The following PLXNA4 variants were observed in gnomAD, a reference collection of about 807,000 sequenced individuals.
PLXNA4 encodes the protein plexin-A4.
Under a neutral mutation model 191.8 loss-of-function variants are expected in PLXNA4, and 44 were observed. The observed-to-expected ratio is 0.23, with a 90% CI of 0.18 to 0.29. PLXNA4 has a LOEUF of 0.29. PLXNA4 is among the 10% of genes least tolerant of loss of function. The pLI, the probability that PLXNA4 is intolerant of heterozygous loss-of-function variation, is 1.00. For missense variants in PLXNA4, 1,800 were observed against 2,488.8 expected (o/e 0.72, Z 5.89); for synonymous variants, 1,082 against 1,009.5 (o/e 1.07, Z -1.36).
chr7:132,223,219 A>G (rs1338778696), intron 9 of PLXNA4, among the ~76,000 whole-genome samples: 1 of 152,122 alleles, frequency 6.6e-6, no homozygotes, highest in Non-Finnish European at 1.5e-5. Flanking sequence ...TTTCTAGGAC[A>G]CACCAACACA....
At chr7:132,238,501 C>A (rs536793837) in intron 5 of PLXNA4, among the ~76,000 whole-genome samples, 1 of 152,172 alleles carries the variant, frequency 6.6e-6, no homozygotes, top group Non-Finnish European at 1.5e-5. Flanking sequence ...TGCTTCAATG[C>A]GCTGGCTCCA....
chr7:132,143,523 G>A (rs10258063), intron 29 of PLXNA4, among the ~76,000 whole-genome samples: 40,302 of 152,132 alleles, frequency 0.26, 12,400 homozygotes, highest in African/African-American at 0.76. Flanking sequence ...AGCTAGGACC[G>A]AGAGAAGTTC....
chr7:132,203,610 G>A (rs1377436499), intron 10 of PLXNA4, among the ~76,000 whole-genome samples, 191 bp from the exon 11 acceptor site: 2 of 152,238 alleles, frequency 1.3e-5, no homozygotes, highest in Admixed American at 1.3e-4. Context: ...GCAGGGAAGT[G>A]CATATCAGAG....
intron 5 of PLXNA4, among the ~76,000 whole-genome samples, chr7:132,232,673 G>A (rs754183572): frequency 9.2e-5 from 14 of 152,128 alleles, no homozygotes; most frequent in Non-Finnish European, 1.5e-4. Context: ...AGCTACCTCC[G>A]CCCTCCCCTA....
intron 1 of PLXNA4, among the ~76,000 whole-genome samples, chr7:132,528,594 G>C (rs934047257): frequency 6.6e-6 from 1 of 152,196 alleles, no homozygotes; most frequent in Non-Finnish European, 1.5e-5. Flanking sequence ...AAGCCTGCCA[G>C]GGGCTTCAGG....
intron 3 of PLXNA4, among the ~76,000 whole-genome samples, chr7:132,354,644 G>A (rs559634910): frequency 6.6e-6 from 1 of 152,314 alleles, no homozygotes; most frequent in South Asian, 2.1e-4. Flanking sequence ...CTGCTCTGCA[G>A]ATGGCTCTAA....
At chr7:132,177,088 TG>T (rs1221020900) in intron 20 of PLXNA4, among the ~76,000 whole-genome samples, 2 of 151,552 alleles carry the variant, frequency 1.3e-5, no homozygotes, top group Non-Finnish European at 2.9e-5. Flanking sequence ...AGCACATGAG[TG>T]TATGTCAGTG....
chr7:132,550,293 G>C (rs559134328), intron 1 of PLXNA4, among the ~76,000 whole-genome samples: 1 of 152,324 alleles, frequency 6.6e-6, no homozygotes, highest in South Asian at 2.1e-4. Context: ...AGTGAGGACA[G>C]GTCTAAGCCT....
At chr7:132,266,873 C>T (rs1250996656) in intron 4 of PLXNA4, among the ~76,000 whole-genome samples, 4 of 152,214 alleles carry the variant, frequency 2.6e-5, no homozygotes, top group African/African-American at 9.6e-5. Context: ...GACTGGGCTT[C>T]AAAGGGATTA....
intron 3 of PLXNA4, chr7:132,384,932 C>T (rs1029202286): frequency 3.1e-6 from 4 of 1,291,164 alleles, no homozygotes; most frequent in Non-Finnish European, 4.0e-6. Flanking sequence ...CCACAAGAGT[C>T]AAACATGCCT....
chr7:132,532,068 C>T (rs1323522598), intron 1 of PLXNA4, among the ~76,000 whole-genome samples: 2 of 152,208 alleles, frequency 1.3e-5, no homozygotes, highest in East Asian at 3.9e-4. Context: ...GCCATCACCC[C>T]AGTGTTCCAG....
intron 2 of PLXNA4, among the ~76,000 whole-genome samples, chr7:132,600,764 T>G (rs79800451): frequency 2.0e-5 from 3 of 152,176 alleles, no homozygotes; most frequent in African/African-American, 7.2e-5. Context: ...AACACTCTTA[T>G]TATTTTACTT....
At chr7:132,207,199 C>T (rs768017025) in intron 10 of PLXNA4, among the ~76,000 whole-genome samples, 6 of 152,208 alleles carry the variant, frequency 3.9e-5, no homozygotes, top group Non-Finnish European at 8.8e-5. Flanking sequence ...TCTGCTGACC[C>T]CTTTTCAGCC....
At chr7:132,327,208 G>C (rs1439562867) in intron 3 of PLXNA4, among the ~76,000 whole-genome samples, 3 of 151,590 alleles carry the variant, frequency 2.0e-5, no homozygotes, top group African/African-American at 7.3e-5. Context: ...AGGGAAGGTG[G>C]GCAGCTTTGC....
chr7:132,591,888 G>A (rs1480269534), intron 2 of PLXNA4, among the ~76,000 whole-genome samples: 3 of 152,188 alleles, frequency 2.0e-5, no homozygotes, highest in Non-Finnish European at 4.4e-5. Flanking sequence ...TACAGGCGCT[G>A]CATCCTACAA....
chr7:132,601,812 T>C (rs539716258), intron 2 of PLXNA4, among the ~76,000 whole-genome samples: 2 of 152,356 alleles, frequency 1.3e-5, no homozygotes, highest in East Asian at 1.9e-4. Flanking sequence ...AATAGATTAG[T>C]AATTGATTCA....
At position 132,211,209 on chromosome 7, in the gene PLXNA4, A is replaced by C. The variant is rs1797790321; in HGVS notation, c.2098-66T>G. On this transcript the variant is annotated intron_variant, in intron 9 of 31. Coordinates refer to ENST00000321063, the MANE Select transcript of PLXNA4 (RefSeq NM_020911.2). ...ACCAAATGAGCAAGGACCTCTGCAGACATAACCCGGATGTTCCCTGTCTCC... is the reference window on the plus strand; with the variant it reads ...ACCAAATGAGCAAGGACCTCTGCAGCCATAACCCGGATGTTCCCTGTCTCC... The C allele has an allele frequency of 6.0e-6, 9 of 1,488,184 alleles. No homozygotes were observed. In the South Asian group the frequency reaches 6.2e-5, roughly 10 times the overall value. The allele number at this position is 1,488,184 out of a possible 1,614,324, so 92.2% of individuals were successfully genotyped here.
chr7:132,461,684 A>T (rs1796509867), intron 3 of PLXNA4, among the ~76,000 whole-genome samples: 1 of 152,244 alleles, frequency 6.6e-6, no homozygotes, highest in Admixed American at 6.5e-5. Context: ...AAATGAAGAG[A>T]TTACCTACAA....
intron 3 of PLXNA4, among the ~76,000 whole-genome samples, chr7:132,411,520 T>TA (rs1794459953): frequency 6.6e-6 from 1 of 152,256 alleles, no homozygotes; most frequent in Non-Finnish European, 1.5e-5. Flanking sequence ...TTGCCATTGT[T>TA]ACGATTGTGG....
Sources: gnomAD v4.1 joint callset for allele counts (sites outside exome capture counted in the v4.1 genomes callset) on GRCh38, gnomAD v4.1.1 for gene constraint, MANE v1.5 for transcripts, NCBI Gene and HGNC (gene_info 2026-07-23, HGNC 2026-07-21) for gene names.